The following INPP5D variants were observed in gnomAD, a reference collection of about 807,000 sequenced individuals.
INPP5D encodes the protein inositol polyphosphate-5-phosphatase D, also known as phosphatidylinositol 3,4,5-trisphosphate 5-phosphatase 1.
In INPP5D, 33 loss-of-function variants were observed where a neutral mutation model predicts 122.9. The observed-to-expected ratio is 0.27, with a 90% CI of 0.20 to 0.36. The LOEUF (loss-of-function observed/expected upper bound fraction) is 0.36. INPP5D is among the 10% of genes least tolerant of loss of function. INPP5D has a pLI of 1.00. For missense variants in INPP5D, 1,053 were observed against 1,412.7 expected (o/e 0.75, Z 4.08); for synonymous variants, 584 against 576.2 (o/e 1.01, Z -0.19).
chr2:233,062,901 T>G (rs1691112521), intron 1 of INPP5D, among the ~76,000 whole-genome samples: 1 of 151,596 alleles, frequency 6.6e-6, no homozygotes, highest in African/African-American at 2.4e-5. Context: ...ACTAATTAAA[T>G]GAATGATAAC....
At chr2:233,117,620 CG>C (rs200881877) in intron 2 of INPP5D, among the ~76,000 whole-genome samples, 5 of 152,008 alleles carry the variant, frequency 3.3e-5, no homozygotes, top group African/African-American at 7.2e-5. Flanking sequence ...ACTATGAGTT[CG>C]GGGGGGCTGT....
Position 233,197,797 on chromosome 2 carries a change from C to T in INPP5D, c.2694-298C>T, listed in dbSNP as rs1695222235. ...CTACATCAATACCGTGTCTCTGTGT[C>T]ACTGAGCTTGTTTTTCTCTCCCATC... On this transcript the variant is annotated intron_variant, in intron 24 of 26. Coordinates refer to ENST00000445964, the MANE Select transcript of INPP5D (RefSeq NM_001017915.3). The surrounding 1 kb of genome is among the most constrained non-coding windows in gnomAD (Gnocchi z 4.4). 6.6e-6 allele frequency among the ~76,000 whole-genome samples: 1 copy of T among 152,212 alleles called. No homozygotes were observed. Among genetic ancestry groups the T allele is most frequent in the East Asian group, 1.9e-4 (1 of 5,194 alleles).
intron 18 of INPP5D, among the ~76,000 whole-genome samples, chr2:233,181,932 C>T (rs1006974727): frequency 5.9e-5 from 9 of 152,150 alleles, no homozygotes; most frequent in Admixed American, 2.0e-4. Context: ...CTCATCTCTA[C>T]AAAATGCACA....
chr2:233,154,252 G>A (rs866797345), intron 9 of INPP5D, among the ~76,000 whole-genome samples: 20 of 152,188 alleles, frequency 1.3e-4, no homozygotes, highest in African/African-American at 3.4e-4. Flanking sequence ...GGGTTCAGGC[G>A]ATTCTCGTGC....
intron 2 of INPP5D, among the ~76,000 whole-genome samples, chr2:233,085,102 C>T (rs1001162824): frequency 2.0e-5 from 3 of 152,094 alleles, no homozygotes; most frequent in East Asian, 1.9e-4. Flanking sequence ...TGTAGTGTTA[C>T]AGGCTGGGTG....
In INPP5D at chr2:233,139,836, C is replaced by T; in HGVS notation, c.666-6C>T. On this transcript the variant is annotated splice_region_variant and splice_polypyrimidine_tract_variant and intron_variant, in intron 5 of 26. Coordinates refer to ENST00000445964, the MANE Select transcript of INPP5D (RefSeq NM_001017915.3). ...CCTTGATGTTCACCTTGTCCCCTGC[C>T]CCCAGAGAAGTCATCCGGACCCTCC... is the stretch of plus-strand genomic sequence containing the variant. The T allele has an allele frequency of 2.5e-6, 1 of 398,792 alleles. No homozygotes were observed. Among genetic ancestry groups the T allele is most frequent in the Non-Finnish European group, 4.4e-6 (1 of 226,196 alleles). The allele number at this position is 398,792 out of a possible 1,614,324, so 24.7% of individuals were successfully genotyped here.
chr2:233,103,929 A>G (rs1486359337), intron 2 of INPP5D, among the ~76,000 whole-genome samples: 2 of 144,802 alleles, frequency 1.4e-5, no homozygotes, highest in African/African-American at 5.2e-5. Flanking sequence ...CTGGTCTCGA[A>G]CTCCTGACCT....
At position 233,066,030 on chromosome 2, in the gene INPP5D, C is replaced by T. The variant is rs559834910; in HGVS notation, c.134+5418C>T. The stretch of plus-strand genomic sequence containing the variant: ...CCAGGTTGGAGTGCAGTGGCACAAT[C>T]ACAGCTCACTGCAGCCTTGCTTGAT... On this transcript the variant is annotated intron_variant, in intron 1 of 26. Coordinates refer to ENST00000445964, the MANE Select transcript of INPP5D (RefSeq NM_001017915.3). 9.9e-5 allele frequency among the ~76,000 whole-genome samples: 15 copies of T among 152,072 alleles called. No homozygotes were observed. In the East Asian group the frequency reaches 2.9e-3, roughly 29 times the overall value.
chr2:233,112,820 G>A (rs1559298153), intron 2 of INPP5D, among the ~76,000 whole-genome samples: 1 of 152,004 alleles, frequency 6.6e-6, no homozygotes, highest in Non-Finnish European at 1.5e-5. Context: ...TACAGGCCTG[G>A]CTCATTTTTG....
At chr2:233,184,335 C>T in intron 19 of INPP5D, 73 bp from the exon 20 acceptor site, 1 of 1,557,174 alleles carries the variant, frequency 6.4e-7, no homozygotes, top group South Asian at 1.2e-5. Context: ...CAGTATGTGG[C>T]ATGAGAACTA....
chr2:233,165,182 T>C lies in INPP5D; in HGVS notation c.1555+758T>C, dbSNP rs1224256421. On this transcript the variant is annotated intron_variant, in intron 13 of 26. Transcript: ENST00000445964. Reference sequence around the variant, plus strand: ...GCCTGTGTAGGTGTGTGAGAGTTTATGGATGTGTGTTTGTGAGCATGTTTA... The same window carrying C: ...GCCTGTGTAGGTGTGTGAGAGTTTACGGATGTGTGTTTGTGAGCATGTTTA... Among the ~76,000 whole-genome samples the C allele has an allele frequency of 2.0e-5, 3 of 152,174 alleles. No homozygotes were observed. In the East Asian group the frequency reaches 5.8e-4, roughly 29 times the overall value.
intron 2 of INPP5D, among the ~76,000 whole-genome samples, chr2:233,084,944 A>G (rs1574712426): frequency 6.6e-6 from 1 of 152,250 alleles, no homozygotes; most frequent in Non-Finnish European, 1.5e-5. Flanking sequence ...CTACTGCAGA[A>G]TATGGACAGA....
chr2:233,075,568 A>G (rs935202255), intron 1 of INPP5D, among the ~76,000 whole-genome samples: 7 of 152,080 alleles, frequency 4.6e-5, no homozygotes, highest in Admixed American at 3.3e-4. Flanking sequence ...ATGTATACAC[A>G]TGTATGCATA....
chr2:233,144,359 A>T (rs1271149937), intron 6 of INPP5D, among the ~76,000 whole-genome samples: 2 of 147,242 alleles, frequency 1.4e-5, no homozygotes, highest in African/African-American at 5.1e-5. Context: ...GGTGGTGGTG[A>T]TGGTGAGGGT....
At position 233,197,951 on chromosome 2, in the gene INPP5D, T is replaced by C. The variant is rs564204410; in HGVS notation, c.2694-144T>C. On this transcript the variant is annotated intron_variant, in intron 24 of 26. Transcript: ENST00000445964. This position sits in a 1 kb window ranked among gnomAD's most constrained non-coding sequence, Gnocchi z 4.4. The stretch of plus-strand genomic sequence containing the variant: ...GGTGTTGCATGGATAGATGAATGAA[T>C]GAATGGATCACTGCCCAAGAGGTGA... The C allele has an allele frequency of 2.5e-4, 311 of 1,252,810 alleles. No homozygotes were observed. The highest frequency in any genetic ancestry group is 2.6e-4 in the Non-Finnish European group (245 of 948,212). 77.6% of individuals were successfully genotyped at this position (1,252,810 alleles called of 1,614,324 possible). A position where few individuals can be genotyped will look rare whatever the true frequency, so the allele number is the denominator to read the frequency against.
chr2:233,169,333 C>T lies in INPP5D; in HGVS notation c.1584C>T (p.Phe528=), dbSNP rs1178554163. Residue 528 remains phenylalanine, a synonymous_variant, in exon 14 of 27, where the codon TTC becomes TTT. Coordinates refer to ENST00000445964, the MANE Select transcript of INPP5D (RefSeq NM_001017915.3). ...LGNKGAVGVS[F]MFNGTSLGFV... ...ACAAGGGAGCCGTGGGGGTGTCGTT[C>T]ATGTTCAATGGAACCTCCTTAGGGT... is the stretch of plus-strand genomic sequence containing the variant. 1 of 1,606,338 alleles carries T rather than the reference C, an allele frequency of 6.2e-7. No individual in the cohort carries two copies. Among genetic ancestry groups the T allele is most frequent in the East Asian group, 2.2e-5 (1 of 44,786 alleles).
Position 233,206,556 on chromosome 2 carries a change from A to G in INPP5D, c.3568-150A>G. 1 of 572,352 alleles carries G rather than the reference A, an allele frequency of 1.7e-6. No homozygotes were observed. The highest frequency in any genetic ancestry group is 3.2e-6 in the Non-Finnish European group (1 of 312,124). The allele number at this position is 572,352 out of a possible 1,614,324, so 35.5% of individuals were successfully genotyped here. ...AAACAATTTTTTTAAATAAGCAGGT[A>G]AAGTACTTAGAGCAGTGAGTGCTGG... On this transcript the variant is annotated intron_variant, in intron 26 of 26. Coordinates refer to ENST00000445964, the MANE Select transcript of INPP5D (RefSeq NM_001017915.3). This position sits in a 1 kb window ranked among gnomAD's most constrained non-coding sequence, Gnocchi z 4.0.
chr2:233,144,651 T>G (rs1693708689), intron 6 of INPP5D, among the ~76,000 whole-genome samples: 1 of 62,386 alleles, frequency 1.6e-5, no homozygotes, highest in Non-Finnish European at 4.4e-5. Context: ...GTGGGAGTGA[T>G]GGGGTAGAGA....
At chr2:233,097,947 C>T (rs966703266) in intron 2 of INPP5D, among the ~76,000 whole-genome samples, 7 of 151,106 alleles carry the variant, frequency 4.6e-5, no homozygotes, top group East Asian at 1.9e-4. Context: ...AGTGCAGTGG[C>T]GCGATCTCGG....
Sources: gnomAD v4.1 joint callset for allele counts (sites outside exome capture counted in the v4.1 genomes callset) on GRCh38, gnomAD v4.1.1 for gene constraint, Gnocchi (gnomAD v3.1) non-coding constraint, MANE v1.5 for transcripts, NCBI Gene and HGNC (gene_info 2026-07-23, HGNC 2026-07-21) for gene names.